Variants in GNAT1 observed in about 807,000 individuals in gnomAD.
The protein encoded by GNAT1 is G protein subunit alpha transducin 1, also known as guanine nucleotide-binding protein G(t) subunit alpha-1.
A neutral mutation model predicts 40.0 loss-of-function variants in GNAT1; 36 were observed. The observed-to-expected ratio is 0.90, with a 90% CI of 0.69 to 1.19. The LOEUF is 1.19. GNAT1 is among the 50% of genes most tolerant of loss of function. The pLI, the probability that GNAT1 is intolerant of heterozygous loss-of-function variation, is 0.00. For synonymous variants in GNAT1, 195 were observed against 192.9 expected, an observed-to-expected ratio of 1.01 and a Z score of -0.09; for missense variants, 413 against 480.6, an observed-to-expected ratio of 0.86 and a Z score of 1.32.
rs1414296228 is a variant in GNAT1 at position 50,194,429 on chromosome 3, C to T, written c.709-72C>T. 64 of 1,550,004 alleles carry T rather than the reference C, an allele frequency of 4.1e-5. No individual in the cohort carries two copies. The highest frequency in any genetic ancestry group is 5.2e-5 in the Non-Finnish European group (59 of 1,132,734). On this transcript the variant is annotated intron_variant, in intron 6 of 8. Coordinates refer to ENST00000232461, the MANE Select transcript of GNAT1 (RefSeq NM_144499.3). This position sits in a 1 kb window ranked among gnomAD's most constrained non-coding sequence, Gnocchi z 6.1. ...CAGCTGAGCGGGAAGCCCCGCGTGCCCGGGAGCCCAGAGAGCAGGTGCTGC... is the reference window on the plus strand; with the variant it reads ...CAGCTGAGCGGGAAGCCCCGCGTGCTCGGGAGCCCAGAGAGCAGGTGCTGC...
chr3:50,194,784 C>A lies in GNAT1; in HGVS notation c.882C>A (p.Asp294Glu). 1 of 1,613,802 alleles carries A rather than the reference C, an allele frequency of 6.2e-7. No homozygotes were observed. ...CCGCAGGACCCAACACCTACGAGGA[C>A]GCCGGCAACTACATCAAGGTGCAGT... ...PDYDGPNTYE[D>E]AGNYIKVQFL... The change falls in exon 8 of 9, where the codon GAC becomes GAA. Residue 294 changes from aspartate (D) to glutamate (E), a missense_variant. Asp to Glu is a conservative substitution (Grantham distance 45, BLOSUM62 2). Transcript: ENST00000232461. This position sits in a 1 kb window ranked among gnomAD's most constrained non-coding sequence, Gnocchi z 6.1.
Position 50,193,886 on chromosome 3 carries a change from G to T in GNAT1, c.578+5G>T, listed in dbSNP as rs1368530916. 2 of 1,613,272 alleles carry T rather than the reference G, an allele frequency of 1.2e-6. No homozygotes were observed. Among genetic ancestry groups the T allele is most frequent in the South Asian group, 1.1e-5 (1 of 91,080 alleles). On this transcript the variant is annotated splice_donor_5th_base_variant and intron_variant, in intron 5 of 8. Coordinates refer to ENST00000232461, the MANE Select transcript of GNAT1 (RefSeq NM_144499.3). This position sits in a 1 kb window ranked among gnomAD's most constrained non-coding sequence, Gnocchi z 8.1. ...CTTCAAGGATCTCAACTTCCGGTACGACCCATACGCTAGCCCAGGAGGTCA... is the reference window on the plus strand; with the variant it reads ...CTTCAAGGATCTCAACTTCCGGTACTACCCATACGCTAGCCCAGGAGGTCA...
rs1309843269 is a variant in GNAT1 at position 50,196,215 on chromosome 3, G to A, written c.*949G>A. 1 of 152,282 alleles carries A rather than the reference G, an allele frequency of 6.6e-6. No homozygotes were observed. The highest frequency in any genetic ancestry group is 1.9e-4 in the East Asian group (1 of 5,188). 9.4% of individuals were successfully genotyped at this position (152,282 alleles called of 1,614,324 possible). On this transcript the variant is annotated 3_prime_UTR_variant, in exon 9 of 9. Coordinates refer to ENST00000232461, the MANE Select transcript of GNAT1 (RefSeq NM_144499.3). ...GTGCCCAAAAGGGTCTACCTCAGGT[G>A]GGGTTACAAGCAAACCTGGGTGACC...
In GNAT1 at chr3:50,193,347, C is replaced by G; in HGVS notation, c.232C>G (p.Leu78Val). 6.2e-7 allele frequency: 1 copy of G among 1,614,054 alleles called. No individual in the cohort carries two copies. Among genetic ancestry groups the G allele is most frequent in the South Asian group, 1.1e-5 (1 of 91,082 alleles). Reference sequence around the variant, plus strand: ...CTACGGCAACACGTTGCAGTCCATCCTGGCCATCGTACGCGCCATGACCAC... The same window carrying G: ...CTACGGCAACACGTTGCAGTCCATCGTGGCCATCGTACGCGCCATGACCAC... ...IIYGNTLQSI[L>V]AIVRAMTTLN... Residue 78 changes from leucine to valine, a missense_variant, in exon 3 of 9, where the codon CTG becomes GTG. Physicochemically the swap from Leu to Val is conservative, Grantham distance 32 (BLOSUM62 1). Transcript: ENST00000232461. The surrounding 1 kb of genome is among the most constrained non-coding windows in gnomAD (Gnocchi z 8.1).
intron 1 of GNAT1, among the ~76,000 whole-genome samples, chr3:50,192,120 A>T (rs1189952136): frequency 1.3e-5 from 2 of 152,150 alleles, no homozygotes; most frequent in Non-Finnish European, 2.9e-5. Context: ...TGTGATGCCG[A>T]CTTTTCCGTG....
At chr3:50,192,999 G>A (rs1291600096) in intron 1 of GNAT1, 134 bp from the exon 2 acceptor site, 4 of 822,552 alleles carry the variant, frequency 4.9e-6, no homozygotes, top group Non-Finnish European at 6.1e-6. Flanking sequence ...GTGTGGCTAC[G>A]GGGTCGGGGC....
rs745911529 is a variant in GNAT1 at position 50,193,233 on chromosome 3, C to T, written c.150-32C>T. 3.1e-6 allele frequency: 5 copies of T among 1,614,130 alleles called. No homozygotes were observed. Among genetic ancestry groups the T allele is most frequent in the East Asian group, 2.2e-5 (1 of 44,890 alleles). The stretch of plus-strand genomic sequence containing the variant: ...GTCTGGGTCCTTCCCCACTTCCCCA[C>T]GAGGCGCTGATTCTGCTCTCCTCGG... On this transcript the variant is annotated intron_variant, in intron 2 of 8. Coordinates refer to ENST00000232461, the MANE Select transcript of GNAT1 (RefSeq NM_144499.3). The surrounding 1 kb of genome is among the most constrained non-coding windows in gnomAD (Gnocchi z 8.1).
rs369937442 is a variant in GNAT1, at chr3:50,194,082, G to A, written c.579-10G>A. 1.2e-6 allele frequency: 2 copies of A among 1,612,762 alleles called. No homozygotes were observed. The highest frequency in any genetic ancestry group is 2.7e-5 in the African/African-American group (2 of 74,894). ...CCGGGGCGCAGGTTCAGGCCCCCGC[G>A]GCCCCGCAGGATGTTCGATGTGGGC... On this transcript the variant is annotated splice_polypyrimidine_tract_variant and intron_variant, in intron 5 of 8. Transcript: ENST00000232461. The surrounding 1 kb of genome is among the most constrained non-coding windows in gnomAD (Gnocchi z 6.1).
Position 50,194,970 on chromosome 3 carries a change from C to G in GNAT1, c.*1+14C>G, listed in dbSNP as rs888476052. The G allele has an allele frequency of 4.0e-5, 63 of 1,589,500 alleles. No individual in the cohort carries two copies. Among genetic ancestry groups the G allele is most frequent in the Non-Finnish European group, 5.4e-5 (63 of 1,162,406 alleles). On this transcript the variant is annotated intron_variant, in intron 8 of 8. Coordinates refer to ENST00000232461, the MANE Select transcript of GNAT1 (RefSeq NM_144499.3). The surrounding 1 kb of genome is among the most constrained non-coding windows in gnomAD (Gnocchi z 6.1). ...GCCTCTTCTGAGGTAGGTCGCTGCC[C>G]TCTCCAGGCTCTTGCCTCAATACCC...
Position 50,193,302 on chromosome 3 carries a change from C to T in GNAT1, c.187C>T (p.Leu63Phe). 1 of 1,614,158 alleles carries T rather than the reference C, an allele frequency of 6.2e-7. No individual in the cohort carries two copies. The highest frequency in any genetic ancestry group is 8.5e-7 in the Non-Finnish European group (1 of 1,179,984). The change falls in exon 3 of 9, where the codon CTC becomes TTC. Residue 63 changes from leucine to phenylalanine, a missense_variant. Coordinates refer to ENST00000232461, the MANE Select transcript of GNAT1 (RefSeq NM_144499.3). The surrounding 1 kb of genome is among the most constrained non-coding windows in gnomAD (Gnocchi z 8.1). Reference protein sequence around the residue: ...HQDGYSLEECLEFIAIIYGNT... With the variant: ...HQDGYSLEECFEFIAIIYGNT... ...GGACGGGTACTCGCTGGAAGAGTGC[C>T]TCGAGTTTATCGCCATCATCTACGG...
chr3:50,194,459 C>T lies in GNAT1; in HGVS notation c.709-42C>T, dbSNP rs1559747112. ...AGCCCAGAGAGCAGGTGCTGCGGGT[C>T]GGACGCTACCCCGGGTGCCCAACAG... On this transcript the variant is annotated intron_variant, in intron 6 of 8. Transcript: ENST00000232461. The surrounding 1 kb of genome is among the most constrained non-coding windows in gnomAD (Gnocchi z 6.1). 6 of 1,606,012 alleles carry T rather than the reference C, an allele frequency of 3.7e-6. No individual in the cohort carries two copies. Among genetic ancestry groups the T allele is most frequent in the Non-Finnish European group, 5.1e-6 (6 of 1,176,004 alleles).
chr3:50,193,615 C>T lies in GNAT1; in HGVS notation c.401C>T (p.Ala134Val). 1 of 1,612,716 alleles carries T rather than the reference C, an allele frequency of 6.2e-7. No homozygotes were observed. Among genetic ancestry groups the T allele is most frequent in the Non-Finnish European group, 8.5e-7 (1 of 1,179,846 alleles). Residue 134 changes from alanine (A) to valine (V), a missense_variant, in exon 4 of 9, where the codon GCC (alanine) becomes GTC (valine). Ala to Val is a moderately conservative substitution (Grantham distance 64). Transcript: ENST00000232461. This position sits in a 1 kb window ranked among gnomAD's most constrained non-coding sequence, Gnocchi z 8.1. ...QRLWKDSGIQ[A>V]CFERASEYQL... The stretch of plus-strand genomic sequence containing the variant: ...CTGTGGAAGGACTCCGGTATCCAGG[C>T]CTGTTTTGAGCGCGCCTCGGAGTAC...
At position 50,197,182 on chromosome 3, in the gene GNAT1, T is replaced by C. The variant is rs908052780; in HGVS notation, c.*1916T>C. Among the ~76,000 whole-genome samples, 9 of 151,844 alleles carry C rather than the reference T, an allele frequency of 5.9e-5. No homozygotes were observed. ...AAGCAAAGGGAAAACTATTTGTTGC[T>C]ATATGTTTGTAGGGATTTTTTGCCA... is the stretch of plus-strand genomic sequence containing the variant. On this transcript the variant is annotated 3_prime_UTR_variant, in exon 9 of 9. Transcript: ENST00000232461.
In GNAT1 at chr3:50,194,666, G is replaced by A. The variant is rs748420483; in HGVS notation, c.862+12G>A. 1.9e-5 allele frequency: 31 copies of A among 1,612,072 alleles called. No homozygotes were observed. Among genetic ancestry groups the A allele is most frequent in the Non-Finnish European group, 2.5e-5 (29 of 1,179,276 alleles). On this transcript the variant is annotated intron_variant, in intron 7 of 8. Coordinates refer to ENST00000232461, the MANE Select transcript of GNAT1 (RefSeq NM_144499.3). The surrounding 1 kb of genome is among the most constrained non-coding windows in gnomAD (Gnocchi z 6.1). Reference sequence around the variant, plus strand: ...CCCGGACTACGATGGTGAGAAGTCCGCAAGGCCGCCAGGCGGCGCCCCCGC... The same window carrying A: ...CCCGGACTACGATGGTGAGAAGTCCACAAGGCCGCCAGGCGGCGCCCCCGC...
At position 50,193,549 on chromosome 3, in the gene GNAT1, A is replaced by C. The variant is rs777683622; in HGVS notation, c.335A>C (p.Glu112Ala). The C allele has an allele frequency of 6.2e-7, 1 of 1,613,330 alleles. No homozygotes were observed. Among genetic ancestry groups the C allele is most frequent in the South Asian group, 1.1e-5 (1 of 91,090 alleles). ...KLMHMADTIE[E>A]GTMPKEMSDI... ...ATGCACATGGCAGACACTATCGAGG[A>C]GGGCACGATGCCCAAGGAGATGTCG... Residue 112 changes from glutamate to alanine, a missense_variant, in exon 4 of 9, where the codon GAG becomes GCG. Glu to Ala is a moderately radical substitution (Grantham distance 107). Transcript: ENST00000232461. The surrounding 1 kb of genome is among the most constrained non-coding windows in gnomAD (Gnocchi z 8.1).
At position 50,196,641 on chromosome 3, in the gene GNAT1, A is replaced by AC. The variant is rs1165548116; in HGVS notation, c.*1376dup. 1 of 152,426 alleles carries AC rather than the reference A, an allele frequency of 6.6e-6. No individual in the cohort carries two copies. The highest frequency in any genetic ancestry group is 6.5e-5 in the Admixed American group (1 of 15,280). The allele number at this position is 152,426 out of a possible 1,614,324, so 9.4% of individuals were successfully genotyped here. ...CTCCCAGGAAGAAGTACCTGGCCTG[A>AC]CAAGGTGGGGCACTCTTGGGGGTAT... On this transcript the variant is annotated 3_prime_UTR_variant, in exon 9 of 9. Coordinates refer to ENST00000232461, the MANE Select transcript of GNAT1 (RefSeq NM_144499.3).
Position 50,196,503 on chromosome 3 carries a change from C to T in GNAT1, c.*1237C>T, listed in dbSNP as rs1699505524. ...CTAGACGCACAGACTCAGCAATAAACCTTTGCATCAGGCTCCAGCTGTCCT... is the reference window on the plus strand; with the variant it reads ...CTAGACGCACAGACTCAGCAATAAATCTTTGCATCAGGCTCCAGCTGTCCT... On this transcript the variant is annotated 3_prime_UTR_variant, in exon 9 of 9. Coordinates refer to ENST00000232461, the MANE Select transcript of GNAT1 (RefSeq NM_144499.3). 6.6e-6 allele frequency: 1 copy of T among 152,638 alleles called. No individual in the cohort carries two copies. The highest frequency in any genetic ancestry group is 6.5e-5 in the Admixed American group (1 of 15,282). The allele number at this position is 152,638 out of a possible 1,614,324, so 9.5% of individuals were successfully genotyped here.
Position 50,193,191 on chromosome 3 carries a change from T to A in GNAT1, c.149+16T>A, listed in dbSNP as rs768025180. On this transcript the variant is annotated intron_variant, in intron 2 of 8. Transcript: ENST00000232461. The surrounding 1 kb of genome is among the most constrained non-coding windows in gnomAD (Gnocchi z 8.1). The stretch of plus-strand genomic sequence containing the variant: ...AGCAGATGAAGTGAGTGCCCCTGCC[T>A]GTCCCGAGGCCCCTGGGTCTGGGTC... 12 of 1,614,032 alleles carry A rather than the reference T, an allele frequency of 7.4e-6. No homozygotes were observed. Among genetic ancestry groups the A allele is most frequent in the Non-Finnish European group, 1.0e-5 (12 of 1,179,922 alleles).
At position 50,191,986 on chromosome 3, in the gene GNAT1, G is replaced by C. The variant is rs546192315; in HGVS notation, c.106+155G>C. On this transcript the variant is annotated intron_variant, in intron 1 of 8. Transcript: ENST00000232461. ...GGGAGCCCTGGCCAAGCAAGGCCAG[G>C]CCTGACAGGTGGTGTCCTAGTCCCC... 9.2e-5 allele frequency among the ~76,000 whole-genome samples: 14 copies of C among 152,200 alleles called. No homozygotes were observed. The South Asian group carries it at 2.9e-3, about 32-fold the overall frequency.
Sources: allele counts gnomAD v4.1 joint callset (sites outside exome capture counted in the v4.1 genomes callset), GRCh38; gene constraint gnomAD v4.1.1; non-coding constraint Gnocchi (gnomAD v3.1); transcripts MANE v1.5; gene names NCBI Gene and HGNC (gene_info 2026-07-23, HGNC 2026-07-21).